IFT57: variants seen among roughly 807,000 people sequenced by gnomAD.
The protein encoded by IFT57 is intraflagellar transport protein 57 homolog.
IFT57 carries 59 observed loss-of-function variants against 56.8 expected under a neutral mutation model. That is an observed-to-expected ratio of 1.04 (90% CI 0.84 to 1.29). The LOEUF is 1.29. Ranked by LOEUF, IFT57 falls within the 50% of genes most tolerant of loss-of-function variation. IFT57 has a pLI of 0.00. For synonymous variants in IFT57, 209 were observed against 186.1 expected (o/e 1.12, Z -1.00); for missense variants, 470 against 522.1 (o/e 0.90, Z 0.97).
At chr3:108,201,461 G>A (rs1368864170) in intron 5 of IFT57, among the ~76,000 whole-genome samples, 3 of 152,088 alleles carry the variant, frequency 2.0e-5, no homozygotes, top group Non-Finnish European at 2.9e-5. Context: ...GATGGGGGTG[G>A]TAAGGGTTAG....
chr3:108,187,938 T>G (rs895577264), intron 6 of IFT57, among the ~76,000 whole-genome samples: 2 of 151,376 alleles, frequency 1.3e-5, no homozygotes, highest in Non-Finnish European at 2.9e-5. Flanking sequence ...AAACAAAGGT[T>G]TTTGTTTTTT....
At position 108,167,807 on chromosome 3, in the gene IFT57, G is replaced by A. The variant is rs1461045481; in HGVS notation, c.835C>T (p.Leu279=). 1 of 1,589,440 alleles carries A rather than the reference G, an allele frequency of 6.3e-7. No homozygotes were observed. Among genetic ancestry groups the A allele is most frequent in the South Asian group, 1.1e-5 (1 of 87,786 alleles). Residue 279 remains leucine (L), a synonymous_variant, in exon 7 of 11, where the codon CTA becomes TTA. Coordinates refer to ENST00000264538, the MANE Select transcript of IFT57 (RefSeq NM_018010.4). ...HQHRSGIESA[L]KETKGFLDKL... ...AATTCATATACCTTGGTCTCCTTTA[G>A]AGCAGATTCAATTCCACTTCTGTGC... is the stretch of plus-strand genomic sequence containing the variant.
chr3:108,196,705 A>G (rs1409275908), intron 5 of IFT57, among the ~76,000 whole-genome samples: 1 of 152,178 alleles, frequency 6.6e-6, no homozygotes. Context: ...TAATTAATAT[A>G]CTAGGGGAAA....
intron 9 of IFT57, among the ~76,000 whole-genome samples, chr3:108,164,461 TTA>T (rs941606729): frequency 6.6e-6 from 1 of 152,086 alleles, no homozygotes; most frequent in African/African-American, 2.4e-5. Flanking sequence ...GGCTTTATTT[TTA>T]TCATACTGGT....
rs762312928 is a variant in IFT57 at position 108,191,626 on chromosome 3, G to T, written c.672C>A (p.Ala224=). The change falls in exon 6 of 11, where the codon GCC becomes GCA. Residue 224 remains alanine, a synonymous_variant. Transcript: ENST00000264538. ...QTYHLDMNET[A]KQEDILESTT... Reference sequence around the variant, plus strand: ...TGGATTCCAAAATATCTTCTTGTTTGGCAGTCTCGTTCATATCCTAAGAAA... The same window carrying T: ...TGGATTCCAAAATATCTTCTTGTTTTGCAGTCTCGTTCATATCCTAAGAAA... 1.2e-6 allele frequency: 2 copies of T among 1,606,446 alleles called. No individual in the cohort carries two copies. The highest frequency in any genetic ancestry group is 1.7e-4 in the Middle Eastern group (1 of 6,036).
At chr3:108,178,892 A>T (rs969588094) in intron 6 of IFT57, among the ~76,000 whole-genome samples, 3 of 125,654 alleles carry the variant, frequency 2.4e-5, no homozygotes, top group African/African-American at 8.5e-5. Context: ...CCTAGCAGAA[A>T]TTCCAGTAGA....
At chr3:108,221,708 C>T (rs1298923328) in intron 1 of IFT57, among the ~76,000 whole-genome samples, 5 of 57,588 alleles carry the variant, frequency 8.7e-5, no homozygotes, top group African/African-American at 3.2e-4. Context: ...TAATGGCATT[C>T]CTCTCTGGAG....
intron 1 of IFT57, 83 bp downstream of exon 1, chr3:108,222,028 G>A: frequency 6.5e-7 from 1 of 1,531,562 alleles, no homozygotes; most frequent in Non-Finnish European, 8.8e-7. Context: ...CCGCTCTCAC[G>A]AAACTGGTTC....
intron 3 of IFT57, among the ~76,000 whole-genome samples, chr3:108,217,688 G>A (rs527264594): frequency 1.5e-4 from 23 of 150,682 alleles, no homozygotes; most frequent in African/African-American, 3.9e-4. Flanking sequence ...ATATATGTGT[G>A]TGTGTGTATA....
intron 6 of IFT57, among the ~76,000 whole-genome samples, chr3:108,184,373 C>T (rs1229055046): frequency 6.6e-6 from 1 of 151,982 alleles, no homozygotes; most frequent in Non-Finnish European, 1.5e-5. Context: ...AAAAAATTTT[C>T]TAGAGATTTG....
intron 6 of IFT57, among the ~76,000 whole-genome samples, chr3:108,187,643 TA>T (rs201982368): frequency 5.0e-4 from 73 of 144,764 alleles, no homozygotes; most frequent in South Asian, 1.5e-3. Flanking sequence ...GGTGCCTGAT[TA>T]AAAAAAAAAA....
chr3:108,201,554 A>C (rs1009748846), intron 5 of IFT57, among the ~76,000 whole-genome samples: 1 of 152,190 alleles, frequency 6.6e-6, no homozygotes, highest in Non-Finnish European at 1.5e-5. Flanking sequence ...TCTCCTGTGA[A>C]ATACCAACCA....
intron 6 of IFT57, among the ~76,000 whole-genome samples, chr3:108,171,795 AT>A (rs781024391): frequency 6.6e-6 from 1 of 151,492 alleles, no homozygotes; most frequent in Non-Finnish European, 1.5e-5. Flanking sequence ...ATTATCATTA[AT>A]TTTTTTTGAA....
chr3:108,195,761 T>G (rs1273179556), intron 5 of IFT57, among the ~76,000 whole-genome samples: 1 of 151,948 alleles, frequency 6.6e-6, no homozygotes, highest in Non-Finnish European at 1.5e-5. Context: ...ATGTGGGAGG[T>G]AAAAATAAGT....
At chr3:108,179,975 G>A (rs912594985) in intron 6 of IFT57, among the ~76,000 whole-genome samples, 10 of 152,014 alleles carry the variant, frequency 6.6e-5, no homozygotes, top group East Asian at 1.9e-4. Flanking sequence ...AATCATGATC[G>A]CTGGAAATAT....
chr3:108,221,067 T>C (rs1475273139), intron 1 of IFT57, among the ~76,000 whole-genome samples: 1 of 152,248 alleles, frequency 6.6e-6, no homozygotes, highest in Non-Finnish European at 1.5e-5. Context: ...TTTTCTAACA[T>C]GGATCAAGCA....
chr3:108,162,600 C>A lies in IFT57; in HGVS notation c.1167G>T (p.Glu389Asp). 1 of 1,612,650 alleles carries A rather than the reference C, an allele frequency of 6.2e-7. No individual in the cohort carries two copies. The highest frequency in any genetic ancestry group is 1.1e-5 in the South Asian group (1 of 90,882). ...CCACAATGCCAATTCTAATGTCCAT[C>A]TCTACAGTTTCTTGCTTCAGTTTTG... ...SLTKLKQETV[E>D]MDIRIGIVEH... Residue 389 changes from glutamate (E) to aspartate (D), a missense_variant, in exon 11 of 11, where the codon GAG becomes GAT. Physicochemically the swap from Glu to Asp is conservative, Grantham distance 45. Transcript: ENST00000264538.
At chr3:108,198,145 A>T (rs560839542) in intron 5 of IFT57, among the ~76,000 whole-genome samples, 1 of 152,244 alleles carries the variant, frequency 6.6e-6, no homozygotes, top group East Asian at 1.9e-4. Flanking sequence ...GACTTTTTCA[A>T]TGTCACATCT....
At chr3:108,191,034 G>T (rs2080212243) in intron 6 of IFT57, among the ~76,000 whole-genome samples, 1 of 152,040 alleles carries the variant, frequency 6.6e-6, no homozygotes, top group African/African-American at 2.4e-5. Flanking sequence ...CTCATGATTT[G>T]CCCACCTCGG....
Sources: gnomAD v4.1 joint callset for allele counts (sites outside exome capture counted in the v4.1 genomes callset) on GRCh38, gnomAD v4.1.1 for gene constraint, MANE v1.5 for transcripts, NCBI Gene and HGNC (gene_info 2026-07-23, HGNC 2026-07-21) for gene names.